RABGEF1: variants seen among roughly 807,000 people sequenced by gnomAD.
The protein encoded by RABGEF1 is RAB guanine nucleotide exchange factor 1, also known as rab5 GDP/GTP exchange factor.
A neutral mutation model predicts 57.3 loss-of-function variants in RABGEF1; 26 were observed. That is an observed-to-expected ratio of 0.45 (90% confidence interval 0.33 to 0.63). The LOEUF (loss-of-function observed/expected upper bound fraction) is 0.63. Ranked by LOEUF, RABGEF1 falls within the 20% of genes least tolerant of loss-of-function variation. RABGEF1 has a pLI of 0.02. For missense variants in RABGEF1, 464 were observed against 607.6 expected (o/e 0.76, Z 2.48); for synonymous variants, 185 against 210.7 (o/e 0.88, Z 1.06).
At chr7:66,743,306 T>C (rs2129050756) in intron 1 of RABGEF1, among the ~76,000 whole-genome samples, 1 of 145,850 alleles carries the variant, frequency 6.9e-6, no homozygotes, top group South Asian at 2.2e-4. Flanking sequence ...CGAGACCTCG[T>C]CTCAAAAAAA....
chr7:66,807,929 A>G (rs1451821818), intron 8 of RABGEF1: 3 of 152,142 alleles, frequency 2.0e-5, no homozygotes, highest in African/African-American at 7.2e-5. Flanking sequence ...TGCTAGGATT[A>G]CAAGCACGAG....
intron 1 of RABGEF1, among the ~76,000 whole-genome samples, chr7:66,747,900 T>C (rs576610816): frequency 1.4e-4 from 21 of 152,306 alleles, no homozygotes; most frequent in African/African-American, 4.8e-4. Flanking sequence ...TGCGACATAC[T>C]GTTGGTAACA....
chr7:66,700,089 A>G (rs1792999152), intron 1 of RABGEF1, among the ~76,000 whole-genome samples: 1 of 152,200 alleles, frequency 6.6e-6, no homozygotes, highest in Non-Finnish European at 1.5e-5. Flanking sequence ...GAGAGGGACA[A>G]GAGTCCTCAG....
intron 1 of RABGEF1, among the ~76,000 whole-genome samples, chr7:66,743,906 C>G (rs1799580855): frequency 6.6e-6 from 1 of 152,112 alleles, no homozygotes; most frequent in African/African-American, 2.4e-5. Context: ...GTTGGGATTA[C>G]AAACATGAGC....
At chr7:66,684,045 G>T (rs750877015) in intron 1 of RABGEF1, among the ~76,000 whole-genome samples, 2 of 152,142 alleles carry the variant, frequency 1.3e-5, no homozygotes. Context: ...CCTGGAGGGT[G>T]GTTATTAAAG....
At chr7:66,803,985 A>G (rs890265579) in intron 7 of RABGEF1, among the ~76,000 whole-genome samples, 30 of 152,174 alleles carry the variant, frequency 2.0e-4, no homozygotes, top group African/African-American at 7.2e-4. Context: ...CCCTCTGCCA[A>G]TCAGCAGGTG....
rs374233332 is a variant in RABGEF1 at position 66,775,257 on chromosome 7, C to T, written c.210C>T (p.Ala70=). ...RLQREEEEAF[A]SSQSSQGAQS... ...AGCGGGAGGAAGAAGAGGCCTTTGC[C>T]AGCAGTCAGAGCAGCCAAGGGGCCC... The change falls in exon 3 of 9, where the codon GCC becomes GCT. Residue 70 remains alanine, a synonymous_variant. Transcript: ENST00000284957. The T allele has an allele frequency of 9.3e-6, 15 of 1,613,472 alleles. No homozygotes were observed. The highest frequency in any genetic ancestry group is 8.5e-6 in the Non-Finnish European group (10 of 1,179,694).
intron 1 of RABGEF1, among the ~76,000 whole-genome samples, chr7:66,689,023 A>G (rs1473741839): frequency 1.3e-5 from 2 of 152,060 alleles, no homozygotes; most frequent in Non-Finnish European, 2.9e-5. Flanking sequence ...AACCTGGGAG[A>G]GGGAGGTTGC....
At chr7:66,660,718 C>CT in the RABGEF1 span, among the ~76,000 whole-genome samples, 1 of 152,228 alleles carries the variant, frequency 6.6e-6, no homozygotes, top group Non-Finnish European at 1.5e-5. Context: ...ATACCCCTGA[C>CT]TGGATGGTTT....
chr7:66,758,662 T>C (rs990183739), intron 1 of RABGEF1, among the ~76,000 whole-genome samples: 2 of 152,158 alleles, frequency 1.3e-5, no homozygotes, highest in Admixed American at 1.3e-4. Context: ...TGTCTGTAGC[T>C]GTGATGTCCA....
chr7:66,666,129 G>A, the RABGEF1 span: 69,567 of 152,272 alleles, frequency 0.46, 16,170 homozygotes, highest in African/African-American at 0.51. Context: ...CTGGGGCGTG[G>A]GGGGCAGAAT....
intron 7 of RABGEF1, among the ~76,000 whole-genome samples, chr7:66,800,885 G>A (rs1787135424): frequency 6.6e-6 from 1 of 152,202 alleles, no homozygotes; most frequent in South Asian, 2.1e-4. Flanking sequence ...GAGGTGGGTG[G>A]CCCAAGGGAT....
chr7:66,733,778 A>G (rs557475984), intron 2 of RABGEF1, among the ~76,000 whole-genome samples: 1 of 152,282 alleles, frequency 6.6e-6, no homozygotes, highest in East Asian at 1.9e-4. Context: ...TGAGACGGGC[A>G]GATCATTTGA....
chr7:66,780,098 G>A (rs1362243563), intron 3 of RABGEF1, among the ~76,000 whole-genome samples: 1 of 152,146 alleles, frequency 6.6e-6, no homozygotes, highest in Non-Finnish European at 1.5e-5. Flanking sequence ...GTGGGAGGGA[G>A]GCATGTTGTA....
At chr7:66,763,798 A>G (rs148986095) in intron 1 of RABGEF1, among the ~76,000 whole-genome samples, 4 of 152,346 alleles carry the variant, frequency 2.6e-5, no homozygotes, top group African/African-American at 7.2e-5. Flanking sequence ...ACCATGTTGT[A>G]GCATATATCA....
chr7:66,802,472 C>T (rs917764099), intron 7 of RABGEF1, among the ~76,000 whole-genome samples: 8 of 152,144 alleles, frequency 5.3e-5, no homozygotes, highest in African/African-American at 1.9e-4. Flanking sequence ...AAGGCAGAGC[C>T]CTGGGAGAAG....
chr7:66,715,964 A>G (rs556535015), intron 2 of RABGEF1, among the ~76,000 whole-genome samples: 6 of 152,210 alleles, frequency 3.9e-5, no homozygotes, highest in Admixed American at 2.6e-4. Flanking sequence ...TGTTTTATCA[A>G]TATTAGTTGG....
At chr7:66,710,003 A>G (rs1461275060) in intron 1 of RABGEF1, among the ~76,000 whole-genome samples, 1 of 152,184 alleles carries the variant, frequency 6.6e-6, no homozygotes, top group Non-Finnish European at 1.5e-5. Context: ...TTTTGCTTTC[A>G]TTTTTAATTT....
chr7:66,808,435 C>G (rs919834045), intron 8 of RABGEF1, among the ~76,000 whole-genome samples: 2 of 152,168 alleles, frequency 1.3e-5, no homozygotes, highest in African/African-American at 4.8e-5. Flanking sequence ...AGGCTGGTCT[C>G]AAACTCCTGA....
Sources: gnomAD v4.1 joint callset for allele counts (sites outside exome capture counted in the v4.1 genomes callset) on GRCh38, gnomAD v4.1.1 for gene constraint, MANE v1.5 for transcripts, NCBI Gene and HGNC (gene_info 2026-07-23, HGNC 2026-07-21) for gene names.